Variants in RNF180 observed in about 807,000 individuals in gnomAD.
RNF180 encodes E3 ubiquitin-protein ligase RNF180.
In RNF180, 38 loss-of-function variants were observed where a neutral mutation model predicts 59.2. That is an observed-to-expected ratio of 0.64 (90% CI 0.50 to 0.84). The LOEUF (loss-of-function observed/expected upper bound fraction) is 0.84. Among genes scored for constraint, RNF180 ranks in the 40% least tolerant of loss-of-function variants. RNF180 has a pLI of 0.00. For synonymous variants in RNF180, 262 were observed against 240.3 expected (o/e 1.09, Z -0.84); for missense variants, 705 against 700.9 (o/e 1.01, Z -0.07).
chr5:64,202,784 A>G (rs563156837), intron 2 of RNF180, among the ~76,000 whole-genome samples: 2 of 152,312 alleles, frequency 1.3e-5, no homozygotes, highest in East Asian at 1.9e-4. Context: ...TGCTTTAAAA[A>G]TATTATTCAT....
rs368112217 is a variant in RNF180 at position 64,219,519 on chromosome 5, A to AT, written c.1227+2132dup. Among the ~76,000 whole-genome samples the AT allele has an allele frequency of 5.1e-4, 76 of 150,218 alleles. No homozygotes were observed. The East Asian group carries it at 5.5e-3, about 11-fold the overall frequency. ...TTTTCTGGAAAATAATGAGGATAACATTTTTTTTTCAATTGACATGGAGTC... is the reference window on the plus strand; with the variant it reads ...TTTTCTGGAAAATAATGAGGATAACATTTTTTTTTTCAATTGACATGGAGTC... On this transcript the variant is annotated intron_variant, in intron 5 of 7. Coordinates refer to ENST00000389100, the MANE Select transcript of RNF180 (RefSeq NM_001113561.2).
chr5:64,349,488 T>A (rs563640995), intron 7 of RNF180, among the ~76,000 whole-genome samples: 8 of 152,136 alleles, frequency 5.3e-5, no homozygotes, highest in African/African-American at 1.7e-4. Flanking sequence ...CGTGCAGGTT[T>A]GTTACATATG....
chr5:64,314,626 A>C (rs1440101764), intron 5 of RNF180, among the ~76,000 whole-genome samples: 1 of 152,138 alleles, frequency 6.6e-6, no homozygotes, highest in South Asian at 2.1e-4. Context: ...TAAAAATTAA[A>C]ACTAAAAAAT....
At chr5:64,172,943 A>G (rs1994932) in intron 1 of RNF180, among the ~76,000 whole-genome samples, 3,556 of 152,306 alleles carry the variant, frequency 0.023, 127 homozygotes, top group African/African-American at 0.075. Context: ...TCAACTGTTT[A>G]GAATTCAGGG....
Position 64,324,801 on chromosome 5 carries a change from C to T in RNF180, c.1228-385C>T, listed in dbSNP as rs1285931880. Among the ~76,000 whole-genome samples, 6 of 152,270 alleles carry T rather than the reference C, an allele frequency of 3.9e-5. No homozygotes were observed. In the South Asian group the frequency reaches 1.0e-3, roughly 26 times the overall value. On this transcript the variant is annotated intron_variant, in intron 5 of 7. Transcript: ENST00000389100. ...TCACTTTTCATCATGCATGGATGCTCATATTAAAACTCTATAACCTTGTGA... is the reference window on the plus strand; with the variant it reads ...TCACTTTTCATCATGCATGGATGCTTATATTAAAACTCTATAACCTTGTGA...
At chr5:64,237,855 C>T (rs1035096817) in intron 5 of RNF180, among the ~76,000 whole-genome samples, 5 of 152,104 alleles carry the variant, frequency 3.3e-5, no homozygotes, top group African/African-American at 4.8e-5. Context: ...TCCCCACCAA[C>T]CCCGCTTTCA....
intron 5 of RNF180, among the ~76,000 whole-genome samples, chr5:64,320,311 C>T (rs1479955187): frequency 1.3e-5 from 2 of 152,298 alleles, no homozygotes; most frequent in Non-Finnish European, 2.9e-5. Context: ...AATTCAAGGA[C>T]ATGCCTGGTT....
chr5:64,290,259 A>T (rs183441094), intron 5 of RNF180, among the ~76,000 whole-genome samples: 1 of 152,230 alleles, frequency 6.6e-6, no homozygotes, highest in South Asian at 2.1e-4. Flanking sequence ...TATGATTTCA[A>T]TTATTTTGCA....
At chr5:64,261,684 A>G (rs973873772) in intron 5 of RNF180, among the ~76,000 whole-genome samples, 2 of 152,104 alleles carry the variant, frequency 1.3e-5, no homozygotes, top group Non-Finnish European at 2.9e-5. Flanking sequence ...TGTTACAAAC[A>G]TATGTTTTAA....
chr5:64,298,532 A>G (rs1743008874), intron 5 of RNF180, among the ~76,000 whole-genome samples: 1 of 152,020 alleles, frequency 6.6e-6, no homozygotes, highest in Non-Finnish European at 1.5e-5. Context: ...GAGGGGTATT[A>G]TTCCAGAAAT....
At chr5:64,350,761 G>C (rs4270647) in intron 7 of RNF180, among the ~76,000 whole-genome samples, 7,411 of 152,064 alleles carry the variant, frequency 0.049, 584 homozygotes, top group African/African-American at 0.16. Context: ...CTGTTCCATT[G>C]GTCTATATCT....
At chr5:64,193,930 A>G (rs941346864) in intron 1 of RNF180, among the ~76,000 whole-genome samples, 1 of 152,198 alleles carries the variant, frequency 6.6e-6, no homozygotes, top group Non-Finnish European at 1.5e-5. Flanking sequence ...ACTGTTATCA[A>G]ACAGAGGCAA....
chr5:64,174,443 G>A (rs764381928), intron 1 of RNF180, among the ~76,000 whole-genome samples: 37 of 151,974 alleles, frequency 2.4e-4, no homozygotes, highest in Non-Finnish European at 3.8e-4. Context: ...AGAATTCCTC[G>A]TTCTTCATAT....
intron 5 of RNF180, among the ~76,000 whole-genome samples, chr5:64,276,566 C>T (rs776522954): frequency 2.0e-5 from 3 of 151,814 alleles, no homozygotes; most frequent in Non-Finnish European, 2.9e-5. Context: ...ACAAGTATAA[C>T]GATTGTTGCT....
At chr5:64,225,322 C>T (rs1175239046) in intron 5 of RNF180, among the ~76,000 whole-genome samples, 1 of 150,022 alleles carries the variant, frequency 6.7e-6, no homozygotes, top group Admixed American at 6.6e-5. Context: ...TGGAGCGCCT[C>T]TGCCCAGCCG....
intron 2 of RNF180, among the ~76,000 whole-genome samples, chr5:64,206,129 A>C (rs1003127227): frequency 6.6e-6 from 1 of 152,184 alleles, no homozygotes; most frequent in African/African-American, 2.4e-5. Context: ...CATACAAACT[A>C]TATATCCATA....
chr5:64,285,525 G>C (rs923066110), intron 5 of RNF180, among the ~76,000 whole-genome samples: 1 of 151,958 alleles, frequency 6.6e-6, no homozygotes, highest in South Asian at 2.1e-4. Context: ...ACCACAGGTG[G>C]ACAGGTGTGC....
chr5:64,303,553 TAGA>T (rs1362718104), intron 5 of RNF180, among the ~76,000 whole-genome samples: 2 of 151,658 alleles, frequency 1.3e-5, no homozygotes, highest in Non-Finnish European at 3.0e-5. Flanking sequence ...ATGGTCTATG[TAGA>T]AGATGAAACC....
At position 64,208,732 on chromosome 5, in the gene RNF180, C is replaced by A. The variant is rs191725577; in HGVS notation, c.136-3333C>A. 7.0e-3 allele frequency among the ~76,000 whole-genome samples: 1,061 copies of A among 152,056 alleles called. 4 individuals are homozygous for A. The highest frequency in any genetic ancestry group is 0.012 in the Non-Finnish European group (842 of 67,910). The stretch of plus-strand genomic sequence containing the variant: ...AAACGAAACAATGCTATAAATTCAA[C>A]CCAGCTTTTTATGCTTTCCTACCTG... On this transcript the variant is annotated intron_variant, in intron 2 of 7. Coordinates refer to ENST00000389100, the MANE Select transcript of RNF180 (RefSeq NM_001113561.2).
Sources: gnomAD v4.1 joint callset for allele counts (sites outside exome capture counted in the v4.1 genomes callset) on GRCh38, gnomAD v4.1.1 for gene constraint, MANE v1.5 for transcripts, NCBI Gene and HGNC (gene_info 2026-07-23, HGNC 2026-07-21) for gene names.